CNTNAP4: variants seen among roughly 807,000 people sequenced by gnomAD.
The protein encoded by CNTNAP4 is contactin-associated protein-like 4.
CNTNAP4 carries 98 observed loss-of-function variants against 148.4 expected under a neutral mutation model. The ratio of observed to expected loss-of-function variants is 0.66; its 90% CI spans 0.56 to 0.78. CNTNAP4 has a LOEUF of 0.78. Ranked by LOEUF, CNTNAP4 falls within the 30% of genes least tolerant of loss-of-function variation. CNTNAP4 has a pLI of 0.00. For missense variants in CNTNAP4, 1,935 were observed against 1,565.6 expected (o/e 1.24, Z -3.98); for synonymous variants, 730 against 565.1 (o/e 1.29, Z -4.14).
intron 17 of CNTNAP4, among the ~76,000 whole-genome samples, chr16:76,528,712 G>A (rs1438841490): frequency 1.3e-5 from 2 of 152,216 alleles, no homozygotes; most frequent in Non-Finnish European, 2.9e-5. Flanking sequence ...GTGAAACTGT[G>A]AGGAAAGATT....
At chr16:76,542,213 T>G (rs1435404270) in intron 21 of CNTNAP4, among the ~76,000 whole-genome samples, 1 of 152,192 alleles carries the variant, frequency 6.6e-6, no homozygotes, top group African/African-American at 2.4e-5. Flanking sequence ...TATTTCATAT[T>G]TAGTATTGGG....
chr16:76,317,592 TATC>T (rs1215528191), intron 2 of CNTNAP4, among the ~76,000 whole-genome samples: 2 of 152,230 alleles, frequency 1.3e-5, no homozygotes, highest in African/African-American at 2.4e-5. Context: ...TCCCATTTAT[TATC>T]CTCCTCTCGT....
chr16:76,346,280 T>C (rs1964892507), intron 2 of CNTNAP4, among the ~76,000 whole-genome samples: 1 of 152,086 alleles, frequency 6.6e-6, no homozygotes, highest in African/African-American at 2.4e-5. Context: ...CTTTTTGATA[T>C]ACTATGCCCT....
chr16:76,488,943 T>G (rs1159270728), intron 12 of CNTNAP4, among the ~76,000 whole-genome samples: 1 of 152,174 alleles, frequency 6.6e-6, no homozygotes, highest in East Asian at 1.9e-4. Context: ...TCAAAGATAT[T>G]TTACTTTTGT....
chr16:76,299,478 TA>T (rs1959697185), intron 1 of CNTNAP4, among the ~76,000 whole-genome samples: 1 of 152,054 alleles, frequency 6.6e-6, no homozygotes, highest in Non-Finnish European at 1.5e-5. Context: ...TGGCGATCAT[TA>T]AAAAGTCAGG....
At chr16:76,547,179 C>T (rs770313690) in intron 21 of CNTNAP4, among the ~76,000 whole-genome samples, 3 of 152,076 alleles carry the variant, frequency 2.0e-5, no homozygotes, top group Non-Finnish European at 4.4e-5. Flanking sequence ...AAAGAAATCT[C>T]TCTAGGATGT....
At chr16:76,278,892 G>A (rs1042744874) in intron 1 of CNTNAP4, among the ~76,000 whole-genome samples, 4 of 152,198 alleles carry the variant, frequency 2.6e-5, no homozygotes, top group Non-Finnish European at 1.5e-5. Flanking sequence ...TGGCTCCCGT[G>A]ATTTCGTGTT....
At chr16:76,428,927 A>T (rs907880731) in intron 4 of CNTNAP4, among the ~76,000 whole-genome samples, 3 of 152,176 alleles carry the variant, frequency 2.0e-5, no homozygotes, top group South Asian at 2.1e-4. Flanking sequence ...AAAATGAGAA[A>T]GCTAAAGCTT....
chr16:76,521,196 A>C lies in CNTNAP4; in HGVS notation c.2422A>C (p.Thr808Pro), dbSNP rs2144101226. Residue 808 changes from threonine (T) to proline (P), a missense_variant, in exon 16 of 24, where the codon ACC becomes CCC. Physicochemically the swap from Thr to Pro is conservative, Grantham distance 38 (BLOSUM62 -1). Coordinates refer to ENST00000611870, the MANE Select transcript of CNTNAP4 (RefSeq NM_033401.5). ...DTEASYLHFP[T>P]FHGELSADVS... ...CGAGGCTTCATATCTTCATTTTCCTACCTTCCACGGAGAACTTAGCGCGGA... is the reference window on the plus strand; with the variant it reads ...CGAGGCTTCATATCTTCATTTTCCTCCCTTCCACGGAGAACTTAGCGCGGA... 1.2e-6 allele frequency: 2 copies of C among 1,610,628 alleles called. No individual in the cohort carries two copies. Among genetic ancestry groups the C allele is most frequent in the East Asian group, 4.5e-5 (2 of 44,690 alleles).
intron 15 of CNTNAP4, among the ~76,000 whole-genome samples, chr16:76,499,563 A>AT (rs1216535599): frequency 9.3e-5 from 14 of 151,334 alleles, no homozygotes; most frequent in African/African-American, 2.9e-4. Context: ...TTATTTATTT[A>AT]TTTATTTTAG....
chr16:76,508,073 G>A (rs547531000), intron 15 of CNTNAP4, among the ~76,000 whole-genome samples: 1 of 97,770 alleles, frequency 1.0e-5, no homozygotes, highest in East Asian at 5.2e-4. Flanking sequence ...CCCCTCAAGA[G>A]CAGGGTACAT....
At chr16:76,389,033 C>G (rs1030252240) in intron 3 of CNTNAP4, among the ~76,000 whole-genome samples, 3 of 152,058 alleles carry the variant, frequency 2.0e-5, no homozygotes, top group African/African-American at 7.2e-5. Context: ...TAAGCCAAAA[C>G]CTTATGTCAT....
intron 3 of CNTNAP4, among the ~76,000 whole-genome samples, chr16:76,383,859 C>A (rs959082840): frequency 6.6e-6 from 1 of 152,064 alleles, no homozygotes; most frequent in African/African-American, 2.4e-5. Flanking sequence ...GTCCTGAGTT[C>A]GTCTCTGAAG....
intron 8 of CNTNAP4, among the ~76,000 whole-genome samples, chr16:76,457,212 G>A (rs941208314): frequency 7.9e-5 from 12 of 152,104 alleles, no homozygotes; most frequent in African/African-American, 2.7e-4. Flanking sequence ...ACCTAGTAAC[G>A]GAAAGGAGTT....
At chr16:76,482,389 A>G (rs2081866498) in intron 12 of CNTNAP4, among the ~76,000 whole-genome samples, 1 of 152,110 alleles carries the variant, frequency 6.6e-6, no homozygotes, top group African/African-American at 2.4e-5. Flanking sequence ...AGATGTGATC[A>G]GAAAAGGTTT....
In CNTNAP4 at chr16:76,548,272, C is replaced by G. The variant is rs1056175817; in HGVS notation, c.3443-5011C>G. ...AAGAGTGCACCATTCAGTTCCAACC[C>G]TGGCTCTCTTGATTCACTGCACCTT... On this transcript the variant is annotated intron_variant, in intron 21 of 23. Transcript: ENST00000611870. Among the ~76,000 whole-genome samples, 21 of 150,204 alleles carry G rather than the reference C, an allele frequency of 1.4e-4. No homozygotes were observed. In the South Asian group the frequency reaches 4.2e-3, roughly 30 times the overall value.
intron 1 of CNTNAP4, among the ~76,000 whole-genome samples, chr16:76,283,897 A>T (rs1198102237): frequency 6.6e-6 from 1 of 152,052 alleles, no homozygotes; most frequent in Non-Finnish European, 1.5e-5. Flanking sequence ...AGTTTACAGA[A>T]TGATCTAGCT....
At chr16:76,460,773 A>AAATATATATATAT in intron 8 of CNTNAP4, among the ~76,000 whole-genome samples, 42 of 57,294 alleles carry the variant, frequency 7.3e-4, no homozygotes, top group African/African-American at 2.6e-3. Flanking sequence ...AAAAAAAAAA[A>AAATATATATATAT]ATATATATAT....
chr16:76,342,237 T>C (rs1964523340), intron 2 of CNTNAP4, among the ~76,000 whole-genome samples: 1 of 152,164 alleles, frequency 6.6e-6, no homozygotes, highest in Non-Finnish European at 1.5e-5. Flanking sequence ...CATAAAATGC[T>C]AGAAATATTA....
Sources: gnomAD v4.1 joint callset for allele counts (sites outside exome capture counted in the v4.1 genomes callset) on GRCh38, gnomAD v4.1.1 for gene constraint, MANE v1.5 for transcripts, NCBI Gene and HGNC (gene_info 2026-07-23, HGNC 2026-07-21) for gene names.